The following ADAMTS16 variants were observed in gnomAD, a reference collection of about 807,000 sequenced individuals.
ADAMTS16 encodes the protein ADAM metallopeptidase with thrombospondin type 1 motif 16, also known as A disintegrin and metalloproteinase with thrombospondin motifs 16.
In ADAMTS16, 94 loss-of-function variants were observed where a neutral mutation model predicts 145.8. The observed-to-expected ratio is 0.64, with a 90% CI of 0.55 to 0.77. ADAMTS16 has a LOEUF of 0.77. Ranked by LOEUF, ADAMTS16 falls within the 30% of genes least tolerant of loss-of-function variation. The pLI, the probability that ADAMTS16 is intolerant of heterozygous loss-of-function variation, is 0.00. For missense variants in ADAMTS16, 1,585 were observed against 1,591.5 expected (o/e 1.00, Z 0.07); for synonymous variants, 659 against 604.3 (o/e 1.09, Z -1.33).
chr5:5,182,390 A>G, intron 4 of ADAMTS16, 85 bp downstream of exon 4: 2 of 1,513,476 alleles, frequency 1.3e-6, no homozygotes, highest in Non-Finnish European at 1.8e-6. Flanking sequence ...TCTTCAAAGC[A>G]TGTCTGCCCA....
At chr5:5,276,031 G>A (rs1383739789) in intron 18 of ADAMTS16, among the ~76,000 whole-genome samples, 1 of 151,950 alleles carries the variant, frequency 6.6e-6, no homozygotes, top group Non-Finnish European at 1.5e-5. Context: ...GCTGATTTTT[G>A]TATTTTTAGT....
chr5:5,163,163 G>GA (rs1420171455), intron 3 of ADAMTS16, among the ~76,000 whole-genome samples: 4 of 152,166 alleles, frequency 2.6e-5, no homozygotes, highest in Non-Finnish European at 5.9e-5. Flanking sequence ...ATTTTGTGGA[G>GA]AAAAATATGT....
chr5:5,297,534 G>C (rs145644529), intron 18 of ADAMTS16, among the ~76,000 whole-genome samples: 1 of 152,172 alleles, frequency 6.6e-6, no homozygotes, highest in Non-Finnish European at 1.5e-5. Context: ...TTTGAAAAGC[G>C]AGGTCAGTTT....
chr5:5,232,250 G>A, intron 11 of ADAMTS16, 118 bp from the exon 12 acceptor site: 3 of 1,161,414 alleles, frequency 2.6e-6, no homozygotes, highest in Non-Finnish European at 2.5e-6. Flanking sequence ...TGTAGGGGGA[G>A]GCTAATGTCT....
chr5:5,190,495 CGACCA>C (rs1279030359), intron 7 of ADAMTS16, among the ~76,000 whole-genome samples: 1 of 152,048 alleles, frequency 6.6e-6, no homozygotes, highest in Non-Finnish European at 1.5e-5. Flanking sequence ...GGAGATACTA[CGACCA>C]GATTATATTT....
At chr5:5,267,359 G>A (rs1738279908) in intron 18 of ADAMTS16, among the ~76,000 whole-genome samples, 2 of 152,124 alleles carry the variant, frequency 1.3e-5, no homozygotes, top group Non-Finnish European at 2.9e-5. Flanking sequence ...TTATCGCCTT[G>A]GTGTGCTGGA....
intron 21 of ADAMTS16, among the ~76,000 whole-genome samples, chr5:5,308,706 T>C (rs562268848): frequency 3.0e-4 from 45 of 152,254 alleles, no homozygotes; most frequent in African/African-American, 1.0e-3. Flanking sequence ...CCCAGCACTT[T>C]GGGAGGCCGA....
chr5:5,239,234 G>T lies in ADAMTS16; in HGVS notation c.2238G>T (p.Thr746=). 1 of 1,600,870 alleles carries T rather than the reference G, an allele frequency of 6.2e-7. No homozygotes were observed. The highest frequency in any genetic ancestry group is 8.5e-7 in the Non-Finnish European group (1 of 1,174,466). ...GVCNGNNSAC[T]IHRGLYTKHH... ...GTAACGGGAATAACTCAGCCTGCAC[G>T]ATTCACAGGGGTCTCTACACCAAGC... The change falls in exon 15 of 23, where the codon ACG becomes ACT. Residue 746 remains threonine (T), a synonymous_variant. Transcript: ENST00000274181.
At chr5:5,261,036 T>C (rs1008320488) in intron 17 of ADAMTS16, among the ~76,000 whole-genome samples, 3 of 152,232 alleles carry the variant, frequency 2.0e-5, no homozygotes, top group Non-Finnish European at 2.9e-5. Flanking sequence ...ACAGGACTTC[T>C]TCATCGGTAT....
intron 21 of ADAMTS16, among the ~76,000 whole-genome samples, chr5:5,314,521 C>T (rs1733958567): frequency 6.6e-6 from 1 of 152,150 alleles, no homozygotes; most frequent in Non-Finnish European, 1.5e-5. Flanking sequence ...TTTTTTTCTT[C>T]CTGGAATGAA....
rs370378266 is a variant in ADAMTS16, at chr5:5,319,112, A to C, written c.3649A>C (p.Lys1217Gln). 9.8e-5 allele frequency: 158 copies of C among 1,612,426 alleles called. No homozygotes were observed. In the African/African-American group the frequency reaches 1.8e-3, roughly 18 times the overall value. Residue 1217 changes from lysine to glutamine, a missense_variant, in exon 23 of 23, where the codon AAG becomes CAG. Lys to Gln is a moderately conservative substitution (Grantham distance 53, BLOSUM62 1). This residue lies in a region of ADAMTS16 where 834 missense variants were observed against 811.7 expected (regional missense o/e 1.03). Transcript: ENST00000274181. ...SHKFYGKQCC[K>Q]TCSKSNL ...CAAGTTCTACGGCAAGCAGTGCTGC[A>C]AGACTTGCTCTAAGTCCAACTTGTG...
chr5:5,308,764 C>A (rs1740294136), intron 21 of ADAMTS16, among the ~76,000 whole-genome samples: 1 of 152,116 alleles, frequency 6.6e-6, no homozygotes, highest in Non-Finnish European at 1.5e-5. Flanking sequence ...GCCTGCCCAA[C>A]ATGGTGAAAC....
chr5:5,270,816 A>C (rs1263915323), intron 18 of ADAMTS16, among the ~76,000 whole-genome samples: 1 of 152,034 alleles, frequency 6.6e-6, no homozygotes, highest in Non-Finnish European at 1.5e-5. Context: ...CTGAGGATGG[A>C]GTGTGCATCT....
chr5:5,237,328 G>T (rs542534964), intron 14 of ADAMTS16, among the ~76,000 whole-genome samples: 6 of 152,290 alleles, frequency 3.9e-5, no homozygotes. Flanking sequence ...CTTAGATATG[G>T]GTCTGGGACA....
At chr5:5,267,640 A>G (rs1738291375) in intron 18 of ADAMTS16, among the ~76,000 whole-genome samples, 1 of 152,052 alleles carries the variant, frequency 6.6e-6, no homozygotes, top group African/African-American at 2.4e-5. Flanking sequence ...TCTTCCACCA[A>G]TATGTTTCGC....
intron 17 of ADAMTS16, among the ~76,000 whole-genome samples, chr5:5,258,288 G>A (rs1218258771): frequency 6.6e-6 from 1 of 152,196 alleles, no homozygotes; most frequent in African/African-American, 2.4e-5. Flanking sequence ...GGAGCTGTGT[G>A]TACTAATGAC....
At chr5:5,222,291 T>C (rs751857201) in intron 10 of ADAMTS16, among the ~76,000 whole-genome samples, 2 of 150,762 alleles carry the variant, frequency 1.3e-5, no homozygotes, top group Admixed American at 1.3e-4. Flanking sequence ...TAATCACAGA[T>C]TTGGGGATGG....
chr5:5,213,739 T>G (rs1736339632), intron 10 of ADAMTS16, among the ~76,000 whole-genome samples: 1 of 152,164 alleles, frequency 6.6e-6, no homozygotes, highest in East Asian at 1.9e-4. Context: ...TTGAGGTCTC[T>G]CTACTCTGTG....
chr5:5,262,545 A>G (rs1322855059), intron 17 of ADAMTS16, 112 bp from the exon 18 acceptor site: 1 of 1,451,704 alleles, frequency 6.9e-7, no homozygotes, highest in Non-Finnish European at 9.2e-7. Context: ...TAACACAAAC[A>G]CATGCCAGTA....
Sources: allele counts gnomAD v4.1 joint callset (sites outside exome capture counted in the v4.1 genomes callset), GRCh38; gene constraint gnomAD v4.1.1; regional missense constraint gnomAD v4.1.1; transcripts MANE v1.5; gene names NCBI Gene and HGNC (gene_info 2026-07-23, HGNC 2026-07-21).